Variants in WASHC2A observed in about 807,000 individuals in gnomAD.
WASHC2A encodes the protein WASH complex subunit FAM21A.
WASHC2A carries 82 observed loss-of-function variants against 140.3 expected under a neutral mutation model. The observed-to-expected ratio is 0.58, with a 90% CI of 0.49 to 0.70. The LOEUF (loss-of-function observed/expected upper bound fraction) is 0.70. WASHC2A is among the 30% of genes least tolerant of loss of function. The pLI, the probability that WASHC2A is intolerant of heterozygous loss-of-function variation, is 0.00. For missense variants in WASHC2A, 985 were observed against 1,521.8 expected (o/e 0.65, Z 5.87); for synonymous variants, 340 against 560.8 (o/e 0.61, Z 5.56).
At chr10:50,102,375 C>G in intron 17 of WASHC2A, among the ~76,000 whole-genome samples, 1 of 152,176 alleles carries the variant, frequency 6.6e-6, no homozygotes, top group Non-Finnish European at 1.5e-5. Flanking sequence ...TCTTTTCTTG[C>G]AGTACCAAGA....
At chr10:50,128,438 T>G (rs1249891388) in intron 28 of WASHC2A, among the ~76,000 whole-genome samples, 1 of 152,234 alleles carries the variant, frequency 6.6e-6, no homozygotes, top group African/African-American at 2.4e-5. Context: ...TCATGGGATC[T>G]CCTCAATGGA....
chr10:50,130,899 A>G lies in WASHC2A; in HGVS notation c.3709-2A>G, dbSNP rs763110641. ...TTTTGTATGTATTTTTGGCTTAACA[A>G]GGATGATATATTTGCTACGGAAGCA... On this transcript the variant is annotated splice_acceptor_variant, in intron 29 of 30. Transcript: ENST00000282633. LOFTEE classifies it high-confidence loss of function. 4 of 1,600,606 alleles carry G rather than the reference A, an allele frequency of 2.5e-6. No homozygotes were observed. Among genetic ancestry groups the G allele is most frequent in the Non-Finnish European group, 2.5e-6 (3 of 1,177,016 alleles).
chr10:50,094,981 C>T (rs1474093489), intron 13 of WASHC2A, among the ~76,000 whole-genome samples, 167 bp from the exon 14 acceptor site: 1 of 151,920 alleles, frequency 6.6e-6, no homozygotes, highest in African/African-American at 2.4e-5. Flanking sequence ...GTCCTGACAT[C>T]GGTAGAGAAG....
Position 50,129,518 on chromosome 10 carries a change from A to T in WASHC2A, c.3187A>T (p.Arg1063Ter). The change falls in exon 29 of 31, where the codon AGA becomes TGA. Residue 1063 changes from arginine to a stop codon, truncating the protein, a stop_gained. Transcript: ENST00000282633. LOFTEE classifies it high-confidence loss of function. ...CGAGACTGAGGACATGAGCGTCCCC[A>T]GAGGACCCATTGCACAGTGGGCTGA... Reference protein sequence around the residue: ...SSETEDMSVPRGPIAQWADGA... With the variant: ...SSETEDMSVP 6.2e-7 allele frequency: 1 copy of T among 1,612,034 alleles called. No individual in the cohort carries two copies. The highest frequency in any genetic ancestry group is 2.3e-4 in the Middle Eastern group (1 of 4,430).
intron 28 of WASHC2A, among the ~76,000 whole-genome samples, chr10:50,128,629 G>A (rs527563138): frequency 1.3e-5 from 2 of 152,214 alleles, no homozygotes; most frequent in East Asian, 1.9e-4. Context: ...AAACAAAACC[G>A]CCTTCCTTTT....
chr10:50,127,002 G>A (rs1843490655), intron 26 of WASHC2A, among the ~76,000 whole-genome samples, 158 bp from the exon 27 acceptor site: 1 of 152,096 alleles, frequency 6.6e-6, no homozygotes, highest in Non-Finnish European at 1.5e-5. Flanking sequence ...AGTAGTGCTA[G>A]TGAAACATCA....
At chr10:50,076,958 CA>C (rs1290251507) in intron 3 of WASHC2A, among the ~76,000 whole-genome samples, 3 of 150,274 alleles carry the variant, frequency 2.0e-5, no homozygotes, top group South Asian at 4.2e-4. Flanking sequence ...ACTAAAAATA[CA>C]AAAAAAATTA....
chr10:50,127,261 G>A lies in WASHC2A; in HGVS notation c.2874+39G>A, dbSNP rs1843515662. On this transcript the variant is annotated intron_variant, in intron 27 of 30. Coordinates refer to ENST00000282633, the MANE Select transcript of WASHC2A (RefSeq NM_001005751.3). ...TGGAATCTTCATTGCCTGCCCTGTG[G>A]CATCTATAAACTTTTTTGGGTTTCC... 9 of 1,611,858 alleles carry A rather than the reference G, an allele frequency of 5.6e-6. No homozygotes were observed. The South Asian group carries it at 7.7e-5, about 14-fold the overall frequency.
intron 3 of WASHC2A, 21 bp downstream of exon 3, chr10:50,069,732 A>G (rs183100586): frequency 2.9e-5 from 47 of 1,603,124 alleles, no homozygotes; most frequent in Middle Eastern, 1.7e-4. Context: ...TAGTTATATT[A>G]TCATTCCTTT....
Position 50,069,578 on chromosome 10 carries a change from A to T in WASHC2A, c.158A>T (p.Gln53Leu), listed in dbSNP as rs782121168. Residue 53 changes from glutamine (Q) to leucine (L), a missense_variant, in exon 3 of 31, where the codon CAA becomes CTA. Transcript: ENST00000282633. ...CAGTTTCTACAGGAATTCTCACAGC[A>T]AACTATCTCTAGGACCCATGAAATC... ...LLQFLQEFSQQTISRTHEIKK... is the reference protein window; with the variant it reads ...LLQFLQEFSQLTISRTHEIKK... 23 of 1,613,558 alleles carry T rather than the reference A, an allele frequency of 1.4e-5. No homozygotes were observed. The Admixed American group carries it at 3.8e-4, about 27-fold the overall frequency.
chr10:50,121,417 G>T (rs1843009510), intron 23 of WASHC2A, among the ~76,000 whole-genome samples: 1 of 145,610 alleles, frequency 6.9e-6, no homozygotes, highest in African/African-American at 2.7e-5. Flanking sequence ...TTTTGCAATG[G>T]AGTTTCACTC....
At chr10:50,099,167 G>A (rs1417885916) in intron 16 of WASHC2A, among the ~76,000 whole-genome samples, 2 of 151,988 alleles carry the variant, frequency 1.3e-5, no homozygotes, top group African/African-American at 2.4e-5. Context: ...TCTTCTGAAT[G>A]AAGTTCTTTC....
At chr10:50,126,210 C>A in intron 26 of WASHC2A, 31 bp downstream of exon 26, 1 of 1,612,654 alleles carries the variant, frequency 6.2e-7, no homozygotes. Flanking sequence ...ATTTTCAGCT[C>A]TTGTTTGCAT....
chr10:50,124,271 T>C (rs1347406564), intron 23 of WASHC2A, among the ~76,000 whole-genome samples: 2 of 151,446 alleles, frequency 1.3e-5, no homozygotes, highest in African/African-American at 2.4e-5. Flanking sequence ...ACCCGGCTGA[T>C]CTTTGTATTT....
At chr10:50,109,196 C>A (rs1842051709) in intron 19 of WASHC2A, among the ~76,000 whole-genome samples, 1 of 152,198 alleles carries the variant, frequency 6.6e-6, no homozygotes, top group Non-Finnish European at 1.5e-5. Context: ...AGACTCTAGA[C>A]TCCAGAGATA....
intron 5 of WASHC2A, 85 bp downstream of exon 5, chr10:50,081,016 C>G: frequency 1.9e-6 from 1 of 514,464 alleles, no homozygotes; most frequent in South Asian, 2.0e-5. Flanking sequence ...AAGTCATGGA[C>G]TTAACCTCTG....
rs1840369333 is a variant in WASHC2A, at chr10:50,095,318, C to G, written c.1240+111C>G. On this transcript the variant is annotated intron_variant, in intron 14 of 30. Transcript: ENST00000282633. ...GAGATGAGGAAGTACCTGGGAGCTT[C>G]AAAGGGCTTTGAGCATCTTATAGAA... The G allele has an allele frequency of 9.0e-6, 9 of 996,750 alleles. No individual in the cohort carries two copies. The African/African-American group carries it at 1.3e-4, about 14-fold the overall frequency. The allele number at this position is 996,750 out of a possible 1,614,324, so 61.7% of individuals were successfully genotyped here. A position where few individuals can be genotyped will look rare whatever the true frequency, so the allele number is the denominator to read the frequency against.
Position 50,127,693 on chromosome 10 carries a change from G to C in WASHC2A, c.2985G>C (p.Arg995Ser). 6.3e-7 allele frequency: 1 copy of C among 1,585,200 alleles called. No individual in the cohort carries two copies. The highest frequency in any genetic ancestry group is 8.6e-7 in the Non-Finnish European group (1 of 1,162,532). The change falls in exon 28 of 31, where the codon AGG becomes AGC. Residue 995 changes from arginine (R) to serine (S), a missense_variant. Arg to Ser is a moderately radical substitution (Grantham distance 110). Coordinates refer to ENST00000282633, the MANE Select transcript of WASHC2A (RefSeq NM_001005751.3). ...ELAFPSSEHR[R>S]SHGLESVPVL... is the part of the protein sequence containing the mutation. ...CTTTTCCTTCATCTGAACACAGAAGGAGCCACGGTCTGGAAAGTGTGCCTG... is the reference window on the plus strand; with the variant it reads ...CTTTTCCTTCATCTGAACACAGAAGCAGCCACGGTCTGGAAAGTGTGCCTG...
intron 16 of WASHC2A, among the ~76,000 whole-genome samples, chr10:50,099,269 C>CTTT (rs1295300009): frequency 9.5e-5 from 13 of 136,168 alleles, no homozygotes; most frequent in Non-Finnish European, 9.6e-5. Context: ...CATTCTTCTT[C>CTTT]TTTTTTTTTT....
Sources: gnomAD v4.1 joint callset for allele counts (sites outside exome capture counted in the v4.1 genomes callset) on GRCh38, gnomAD v4.1.1 for gene constraint, MANE v1.5 for transcripts, NCBI Gene and HGNC (gene_info 2026-07-23, HGNC 2026-07-21) for gene names.